EXOSC10: variants seen among roughly 807,000 people sequenced by gnomAD.
EXOSC10 encodes exosome complex component 10.
Under a neutral mutation model 126.6 loss-of-function variants are expected in EXOSC10, and 94 were observed. That is an observed-to-expected ratio of 0.74 (90% CI 0.63 to 0.88). EXOSC10 has a LOEUF of 0.88. Ranked by LOEUF, EXOSC10 falls within the 40% of genes least tolerant of loss-of-function variation. EXOSC10 has a pLI of 0.00. For missense variants in EXOSC10, 1,041 were observed against 1,100.5 expected, an observed-to-expected ratio of 0.95 and a Z score of 0.77; for synonymous variants, 395 against 400.8, an observed-to-expected ratio of 0.99 and a Z score of 0.17.
At chr1:11,077,032 C>A in intron 16 of EXOSC10, 84 bp from the exon 17 acceptor site, 2 of 1,023,958 alleles carry the variant, frequency 2.0e-6, no homozygotes, top group Admixed American at 1.9e-5. Context: ...AGTGTAGTCC[C>A]CTAGGCTGGA....
intron 8 of EXOSC10, 66 bp from the exon 9 acceptor site, chr1:11,087,657 T>C: frequency 6.3e-7 from 1 of 1,575,472 alleles, no homozygotes; most frequent in Non-Finnish European, 8.6e-7. Flanking sequence ...CCTTTACTGA[T>C]TTTGAAAAGT....
intron 8 of EXOSC10, 29 bp from the exon 9 acceptor site, chr1:11,087,620 G>A: frequency 6.2e-7 from 1 of 1,609,934 alleles, no homozygotes; most frequent in East Asian, 2.2e-5. Flanking sequence ...GGGGAGAAGA[G>A]GAAAAACAAA....
At position 11,077,369 on chromosome 1, in the gene EXOSC10, G is replaced by C. The variant is rs371930082; in HGVS notation, c.1875C>G (p.Thr625=). The change falls in exon 16 of 25, where the codon ACC becomes ACG. Residue 625 remains threonine, a synonymous_variant. Transcript: ENST00000376936. ...APPDGYPIIP[T]SGSVPVQKQA... ...CAGGAGGGCTCTCGACTTTACCACT[G>C]GTTGGGATGATTGGATAGCCATCCG... is the stretch of plus-strand genomic sequence containing the variant. 4.2e-4 allele frequency: 670 copies of C among 1,610,546 alleles called. 10 individuals are homozygous for C. In the South Asian group the frequency reaches 6.2e-3, roughly 15 times the overall value.
rs1639844607 is a variant in EXOSC10 at position 11,076,861 on chromosome 1, G to A, written c.1967C>T (p.Ala656Val). 4 of 1,613,066 alleles carry A rather than the reference G, an allele frequency of 2.5e-6. No individual in the cohort carries two copies. The African/African-American group carries it at 4.0e-5, about 16-fold the overall frequency. The change falls in exon 17 of 25, where the codon GCT becomes GTT. Residue 656 changes from alanine (A) to valine (V), a missense_variant. Physicochemically the swap from Ala to Val is moderately conservative, Grantham distance 64. Around this residue, in one of 3 missense-constraint regions of EXOSC10, gnomAD observed 388 missense variants for 415.2 expected, o/e 0.93. Coordinates refer to ENST00000376936, the MANE Select transcript of EXOSC10 (RefSeq NM_001001998.3). ...ACTCACATTAAATAACGTGATGACA[G>A]CTGTGGCAATCAGGCATGTGGTACC... ...LLGTTCLIAT[A>V]VITLFNEPSA...
chr1:11,094,255 G>T (rs1432982638), intron 3 of EXOSC10, among the ~76,000 whole-genome samples: 1 of 151,392 alleles, frequency 6.6e-6, no homozygotes, highest in African/African-American at 2.4e-5. Flanking sequence ...TAGGATTACA[G>T]GAGTGAGCCA....
chr1:11,084,937 T>C (rs1251080554), intron 9 of EXOSC10, among the ~76,000 whole-genome samples: 4 of 152,234 alleles, frequency 2.6e-5, no homozygotes, highest in Non-Finnish European at 5.9e-5. Flanking sequence ...CAGATAGTTG[T>C]AGATATATGG....
chr1:11,091,461 C>G, intron 4 of EXOSC10, 32 bp downstream of exon 4: 1 of 1,563,366 alleles, frequency 6.4e-7, no homozygotes, highest in Non-Finnish European at 8.8e-7. Flanking sequence ...AAGCTGACAT[C>G]AAGAGCTCTA....
rs1368233734 is a variant in EXOSC10 at position 11,096,477 on chromosome 1, T to TTTC, written c.249-597_249-596insGAA. On this transcript the variant is annotated intron_variant, in intron 2 of 24. Transcript: ENST00000376936. ...TTTCTTTCTTTCTTTCTTTCTTTTT[T>TTTC]TTTTTTTTTTTTTTAAAGAGACAGG... Among the ~76,000 whole-genome samples the TTTC allele has an allele frequency of 3.7e-3, 541 of 147,938 alleles. 6 individuals carry two copies. The highest frequency in any genetic ancestry group is 0.013 in the African/African-American group (507 of 40,136).
chr1:11,084,430 T>A (rs1386156957), intron 9 of EXOSC10, among the ~76,000 whole-genome samples: 2 of 152,240 alleles, frequency 1.3e-5, no homozygotes, highest in African/African-American at 4.8e-5. Flanking sequence ...TGTCTTCTTT[T>A]GAGAAGTGTC....
At position 11,087,513 on chromosome 1, in the gene EXOSC10, T is replaced by C. The variant is rs758755785; in HGVS notation, c.1024A>G (p.Thr342Ala). The change falls in exon 9 of 25, where the codon ACC becomes GCC. Residue 342 changes from threonine (T) to alanine (A), a missense_variant. By Grantham distance (58) the Thr-to-Ala change is moderately conservative (BLOSUM62 0). Coordinates refer to ENST00000376936, the MANE Select transcript of EXOSC10 (RefSeq NM_001001998.3). ...TACATGTCACTTCGAAGCTCGAGGG[T>C]GTCAATGATGAAGTCTTCCGTCCGA... is the stretch of plus-strand genomic sequence containing the variant. Reference protein sequence around the residue: ...STRTEDFIIDTLELRSDMYIL... With the variant: ...STRTEDFIIDALELRSDMYIL... 19 of 1,613,870 alleles carry C rather than the reference T, an allele frequency of 1.2e-5. No individual in the cohort carries two copies. The highest frequency in any genetic ancestry group is 1.6e-4 in the Middle Eastern group (1 of 6,084).
rs918748415 is a variant in EXOSC10 at position 11,081,125 on chromosome 1, T to C, written c.1394A>G (p.Gln465Arg). ...MWERGNGQPV[Q>R]LQVVWQRSRD... ...GCTCCGTTGCCACACCACCTGCAGC[T>C]GCACCGGCTGCCCGTTGCCGCGCTC... is the stretch of plus-strand genomic sequence containing the variant. Residue 465 changes from glutamine to arginine, a missense_variant, in exon 11 of 25, where the codon CAG becomes CGG. Gln to Arg is a conservative substitution (Grantham distance 43, BLOSUM62 1). Transcript: ENST00000376936. The C allele has an allele frequency of 6.2e-7, 1 of 1,614,214 alleles. No homozygotes were observed. The highest frequency in any genetic ancestry group is 1.3e-5 in the African/African-American group (1 of 75,070).
intron 9 of EXOSC10, among the ~76,000 whole-genome samples, chr1:11,087,228 T>C (rs1319679771): frequency 6.6e-6 from 1 of 152,154 alleles, no homozygotes; most frequent in Non-Finnish European, 1.5e-5. Context: ...GCAGTAGTCA[T>C]TAAAATGATT....
At position 11,076,287 on chromosome 1, in the gene EXOSC10, G is replaced by A. The variant is rs145821902; in HGVS notation, c.1986+555C>T. ...CGTTTGAGCCTCAGAAGTCAAGGCT[G>A]CAGTGAGCCATGATTGTGCCACTGC... is the stretch of plus-strand genomic sequence containing the variant. On this transcript the variant is annotated intron_variant, in intron 17 of 24. Transcript: ENST00000376936. Among the ~76,000 whole-genome samples the A allele has an allele frequency of 1.8e-3, 271 of 152,166 alleles. 1 individual carries two copies. Among genetic ancestry groups the A allele is most frequent in the African/African-American group, 6.3e-3 (260 of 41,512 alleles).
Position 11,082,851 on chromosome 1 carries a change from C to G in EXOSC10, c.1117G>C (p.Glu373Gln). 3 of 1,614,170 alleles carry G rather than the reference C, an allele frequency of 1.9e-6. No individual in the cohort carries two copies. The highest frequency in any genetic ancestry group is 1.7e-6 in the Non-Finnish European group (2 of 1,180,026). The change falls in exon 10 of 25, where the codon GAA (glutamate) becomes CAA (glutamine). Residue 373 changes from glutamate to glutamine, a missense_variant. Coordinates refer to ENST00000376936, the MANE Select transcript of EXOSC10 (RefSeq NM_001001998.3). ...KVFHGADSDIEWLQKDFGLYV... is the reference protein window; with the variant it reads ...KVFHGADSDIQWLQKDFGLYV... ...AACCCAAAGTCTTTCTGTAGCCATT[C>G]TATGTCTGAATCAGCACCATGAAAG...
intron 10 of EXOSC10, 80 bp from the exon 11 acceptor site, chr1:11,081,318 C>A (rs1640155605): frequency 1.3e-6 from 2 of 1,501,052 alleles, no homozygotes; most frequent in African/African-American, 2.7e-5. Flanking sequence ...GGTGCTGGGA[C>A]TTCCTTAGAC....
chr1:11,085,567 C>G (rs1428977887), intron 9 of EXOSC10, among the ~76,000 whole-genome samples: 2 of 152,158 alleles, frequency 1.3e-5, no homozygotes, highest in Non-Finnish European at 2.9e-5. Context: ...CATCTGCAAA[C>G]AGGGACAATT....
intron 19 of EXOSC10, 50 bp downstream of exon 19, chr1:11,073,884 A>AT: frequency 8.4e-7 from 1 of 1,189,994 alleles, no homozygotes; most frequent in Non-Finnish European, 1.2e-6. Context: ...TCTCAAAAAA[A>AT]AAAAAAAAAA....
At chr1:11,076,992 G>T in intron 16 of EXOSC10, 44 bp from the exon 17 acceptor site, 2 of 1,514,618 alleles carry the variant, frequency 1.3e-6, no homozygotes, top group Non-Finnish European at 1.8e-6. Flanking sequence ...ACAGAATTTT[G>T]TTTATTTTTT....
chr1:11,073,307 T>C (rs1639616837), intron 19 of EXOSC10, among the ~76,000 whole-genome samples: 1 of 152,104 alleles, frequency 6.6e-6, no homozygotes, highest in African/African-American at 2.4e-5. Context: ...TAATTTTTTG[T>C]ATTTTTAGTA....
Sources: allele counts gnomAD v4.1 joint callset (sites outside exome capture counted in the v4.1 genomes callset), GRCh38; gene constraint gnomAD v4.1.1; regional missense constraint gnomAD v4.1.1; transcripts MANE v1.5; gene names NCBI Gene and HGNC (gene_info 2026-07-23, HGNC 2026-07-21).